The following CLTA variants were observed in gnomAD, a reference collection of about 807,000 sequenced individuals.
CLTA encodes clathrin light chain A.
In CLTA, 9 loss-of-function variants were observed where a neutral mutation model predicts 26.9. The ratio of observed to expected loss-of-function variants is 0.33; its 90% confidence interval spans 0.20 to 0.58. The LOEUF (loss-of-function observed/expected upper bound fraction) is 0.58. Ranked by LOEUF, CLTA falls within the 20% of genes least tolerant of loss-of-function variation. The pLI is 0.85. For missense variants in CLTA, 278 were observed against 294.2 expected, an observed-to-expected ratio of 0.94 and a Z score of 0.40; for synonymous variants, 120 against 115.5, an observed-to-expected ratio of 1.04 and a Z score of -0.25.
At chr9:36,210,735 AG>A in intron 4 of CLTA, 1 of 1,576,522 alleles carries the variant, frequency 6.3e-7, no homozygotes, top group Non-Finnish European at 8.7e-7. Flanking sequence ...TCTGGGCTTC[AG>A]CGGTGTTTGC....
At chr9:36,192,838 C>T (rs1826812707) in intron 1 of CLTA, among the ~76,000 whole-genome samples, 1 of 152,176 alleles carries the variant, frequency 6.6e-6, no homozygotes, top group African/African-American at 2.4e-5. Context: ...AACAGACAGG[C>T]AGCTGTGGCT....
In CLTA at chr9:36,191,444, G is replaced by C. The variant is rs184854801; in HGVS notation, c.217+171G>C. ...TCTTTCAGAAACCTAGGCTCGAGAAGCCTGTTCGGTTCTCAGCATGTTTGA... is the reference window on the plus strand; with the variant it reads ...TCTTTCAGAAACCTAGGCTCGAGAACCCTGTTCGGTTCTCAGCATGTTTGA... On this transcript the variant is annotated intron_variant, in intron 1 of 4. Coordinates refer to ENST00000345519, the MANE Select transcript of CLTA (RefSeq NM_001833.4). Among the ~76,000 whole-genome samples the C allele has an allele frequency of 2.1e-3, 316 of 152,336 alleles. 1 individual carries two copies. Among genetic ancestry groups the C allele is most frequent in the African/African-American group, 6.9e-3 (287 of 41,574 alleles).
intron 3 of CLTA, among the ~76,000 whole-genome samples, chr9:36,203,664 T>C (rs1290662030): frequency 6.6e-6 from 1 of 152,248 alleles, no homozygotes; most frequent in Non-Finnish European, 1.5e-5. Context: ...ATTGGCAGCA[T>C]TGGTAAAGAA....
chr9:36,205,309 TG>T (rs1284406291), intron 4 of CLTA, among the ~76,000 whole-genome samples: 7 of 152,176 alleles, frequency 4.6e-5, no homozygotes, highest in Non-Finnish European at 8.8e-5. Context: ...GACTGCTCTC[TG>T]GTGTGCAGGC....
rs778711876 is a variant in CLTA at position 36,190,966 on chromosome 9, C to G, written c.-91C>G. ...CTGGCGCTTGTCCTCCTCTCCCAGTCGGCACCACAGCGGTGGCTGCCGGGC... is the reference window on the plus strand; with the variant it reads ...CTGGCGCTTGTCCTCCTCTCCCAGTGGGCACCACAGCGGTGGCTGCCGGGC... On this transcript the variant is annotated 5_prime_UTR_variant, in exon 1 of 5. Transcript: ENST00000345519. 13 of 1,449,870 alleles carry G rather than the reference C, an allele frequency of 9.0e-6. No homozygotes were observed. The highest frequency in any genetic ancestry group is 3.8e-4 in the Middle Eastern group (2 of 5,288). The allele number at this position is 1,449,870 out of a possible 1,614,324, so 89.8% of individuals were successfully genotyped here.
chr9:36,193,293 T>C (rs1489460814), intron 1 of CLTA, among the ~76,000 whole-genome samples: 3 of 151,940 alleles, frequency 2.0e-5, no homozygotes, highest in African/African-American at 4.8e-5. Flanking sequence ...GGACACTTTT[T>C]CTCTCTTAGT....
intron 4 of CLTA, among the ~76,000 whole-genome samples, chr9:36,206,685 A>C (rs1226902985): frequency 6.6e-6 from 1 of 152,136 alleles, no homozygotes; most frequent in East Asian, 1.9e-4. Flanking sequence ...ACTTGAGGTC[A>C]GGAGTTTGAG....
chr9:36,202,991 C>T (rs1290675952), intron 3 of CLTA, among the ~76,000 whole-genome samples: 1 of 152,004 alleles, frequency 6.6e-6, no homozygotes, highest in Non-Finnish European at 1.5e-5. Context: ...ACCACCACAT[C>T]CAGCTAATTT....
At chr9:36,209,681 C>T (rs1827927960) in intron 4 of CLTA, among the ~76,000 whole-genome samples, 2 of 152,188 alleles carry the variant, frequency 1.3e-5, no homozygotes. Context: ...CTGCCTGCCT[C>T]AGGTGGGAAG....
intron 1 of CLTA, among the ~76,000 whole-genome samples, chr9:36,192,937 G>C (rs1310655571): frequency 6.6e-6 from 1 of 152,204 alleles, no homozygotes; most frequent in African/African-American, 2.4e-5. Context: ...TACCCTTACT[G>C]TTTTATCTCC....
chr9:36,211,541 C>G, intron 4 of CLTA, 62 bp from the exon 5 acceptor site: 1 of 1,530,040 alleles, frequency 6.5e-7, no homozygotes, highest in South Asian at 1.3e-5. Context: ...TGTAGCAAGG[C>G]AGCCACCAGG....
intron 4 of CLTA, among the ~76,000 whole-genome samples, chr9:36,208,078 A>G (rs1827824250): frequency 6.6e-6 from 1 of 152,268 alleles, no homozygotes; most frequent in South Asian, 2.1e-4. Flanking sequence ...TAAAATTACT[A>G]GAATTTGCCT....
chr9:36,198,874 CAAA>C (rs374265014), intron 2 of CLTA, 102 bp from the exon 3 acceptor site: 2,273 of 450,924 alleles, frequency 5.0e-3, no homozygotes, highest in Middle Eastern at 6.0e-3. Context: ...AACTCTGTCT[CAAA>C]AAAAAAAAAA....
At chr9:36,209,226 TC>T (rs772964976) in intron 4 of CLTA, 1 of 1,612,714 alleles carries the variant, frequency 6.2e-7, no homozygotes, top group Non-Finnish European at 8.5e-7. Flanking sequence ...CTCTCTTTTT[TC>T]CTGCCTGCTT....
chr9:36,201,666 G>A (rs1827413774), intron 3 of CLTA, among the ~76,000 whole-genome samples: 1 of 152,166 alleles, frequency 6.6e-6, no homozygotes, highest in African/African-American at 2.4e-5. Flanking sequence ...GTAATTATTT[G>A]GAAGTAATTT....
chr9:36,198,100 G>A (rs1013035167), intron 2 of CLTA, among the ~76,000 whole-genome samples: 13 of 148,600 alleles, frequency 8.7e-5, no homozygotes, highest in Admixed American at 4.1e-4. Flanking sequence ...GGGTTCAAGC[G>A]ATTCATCCAC....
intron 4 of CLTA, 125 bp downstream of exon 4, chr9:36,204,304 AGTGCTTGAAACAG>A: frequency 9.4e-7 from 1 of 1,063,942 alleles, no homozygotes; most frequent in Non-Finnish European, 1.4e-6. Flanking sequence ...TTTTAAAGAA[AGTGCTTGAAACAG>A]GTTGCAAGTC....
intron 4 of CLTA, among the ~76,000 whole-genome samples, chr9:36,208,513 A>G (rs1030433322): frequency 2.0e-5 from 3 of 152,230 alleles, no homozygotes; most frequent in African/African-American, 4.8e-5. Context: ...ATCCTAGTCC[A>G]GTGTTCTTCC....
At chr9:36,203,096 G>A (rs1587232358) in intron 3 of CLTA, among the ~76,000 whole-genome samples, 1 of 152,074 alleles carries the variant, frequency 6.6e-6, no homozygotes, top group South Asian at 2.1e-4. Flanking sequence ...GCCTCCCAAA[G>A]TGTTGGGATT....
Sources: allele counts gnomAD v4.1 joint callset (sites outside exome capture counted in the v4.1 genomes callset), GRCh38; gene constraint gnomAD v4.1.1; transcripts MANE v1.5; gene names NCBI Gene and HGNC (gene_info 2026-07-23, HGNC 2026-07-21).